Variants in WWOX observed in about 807,000 individuals in gnomAD.
WWOX encodes WW domain containing oxidoreductase, also known as WW domain-containing oxidoreductase.
A neutral mutation model predicts 46.2 loss-of-function variants in WWOX; 69 were observed. That is an observed-to-expected ratio of 1.49 (90% CI 1.23 to 1.82). The LOEUF (loss-of-function observed/expected upper bound fraction) is 1.82. WWOX is among the 40% of genes most tolerant of loss of function. The probability of loss-of-function intolerance (pLI) is 0.00; values close to 1 mark genes in which losing one functional copy is unlikely to be tolerated. For synonymous variants in WWOX, 359 were observed against 202.6 expected (o/e 1.77, Z -6.56); for missense variants, 919 against 542.6 (o/e 1.69, Z -6.89).
intron 5 of WWOX, among the ~76,000 whole-genome samples, chr16:78,333,307 C>T (rs916532978): frequency 3.0e-5 from 4 of 133,616 alleles, no homozygotes; most frequent in Non-Finnish European, 5.2e-5. Context: ...CCTTGGCCTG[C>T]CAAAGTGCTG....
At chr16:78,265,288 C>A (rs2079339306) in intron 5 of WWOX, among the ~76,000 whole-genome samples, 1 of 152,112 alleles carries the variant, frequency 6.6e-6, no homozygotes, top group Non-Finnish European at 1.5e-5. Flanking sequence ...AGCCACCTCA[C>A]CCAGCCAAGA....
At chr16:78,596,656 C>T (rs993981672) in intron 8 of WWOX, among the ~76,000 whole-genome samples, 3 of 152,124 alleles carry the variant, frequency 2.0e-5, no homozygotes, top group Non-Finnish European at 2.9e-5. Flanking sequence ...GGGGAGAACA[C>T]GGACTGTGTC....
At chr16:79,009,513 G>C (rs916868364) in intron 8 of WWOX, among the ~76,000 whole-genome samples, 1 of 152,030 alleles carries the variant, frequency 6.6e-6, no homozygotes, top group Non-Finnish European at 1.5e-5. Context: ...TGTCACCTAG[G>C]CTGGAGTGTA....
chr16:78,579,744 T>C (rs1260052558), intron 8 of WWOX, among the ~76,000 whole-genome samples: 2 of 152,126 alleles, frequency 1.3e-5, no homozygotes, highest in Non-Finnish European at 2.9e-5. Flanking sequence ...AAAACAAATA[T>C]CATCTGCCTT....
intron 8 of WWOX, among the ~76,000 whole-genome samples, chr16:78,766,105 T>C (rs1201026129): frequency 6.6e-6 from 1 of 151,998 alleles, no homozygotes; most frequent in East Asian, 1.9e-4. Flanking sequence ...TGGTCAGAGG[T>C]GTGGTCACAC....
chr16:78,500,880 A>G (rs1260663803), intron 8 of WWOX, among the ~76,000 whole-genome samples: 1 of 152,220 alleles, frequency 6.6e-6, no homozygotes, highest in East Asian at 1.9e-4. Context: ...TTCTGGCTCA[A>G]AGAAGTTCCA....
At chr16:78,794,948 T>A (rs1240502487) in intron 8 of WWOX, among the ~76,000 whole-genome samples, 1 of 152,238 alleles carries the variant, frequency 6.6e-6, no homozygotes, top group African/African-American at 2.4e-5. Flanking sequence ...CTATGGTTGA[T>A]AAATTAATGT....
At chr16:78,681,038 C>T (rs754415080) in intron 8 of WWOX, among the ~76,000 whole-genome samples, 1 of 152,124 alleles carries the variant, frequency 6.6e-6, no homozygotes, top group Non-Finnish European at 1.5e-5. Context: ...TGCCTGAGGT[C>T]GAGAGTTCGA....
chr16:78,550,241 T>C (rs2044142621), intron 8 of WWOX, among the ~76,000 whole-genome samples: 1 of 152,232 alleles, frequency 6.6e-6, no homozygotes, highest in Non-Finnish European at 1.5e-5. Context: ...CCCAATTATT[T>C]GAGAGACACT....
chr16:78,557,028 C>G (rs7203676), intron 8 of WWOX, among the ~76,000 whole-genome samples: 1 of 151,876 alleles, frequency 6.6e-6, no homozygotes, highest in Admixed American at 6.6e-5. Context: ...GGCAAACTTA[C>G]TTTAAAACAC....
At chr16:79,019,400 G>A (rs1013066713) in intron 8 of WWOX, among the ~76,000 whole-genome samples, 5 of 151,996 alleles carry the variant, frequency 3.3e-5, no homozygotes, top group East Asian at 3.9e-4. Flanking sequence ...ACGTGTGATT[G>A]GGCTGCGTAC....
At chr16:79,156,216 C>A (rs1018482462) in intron 8 of WWOX, among the ~76,000 whole-genome samples, 1 of 152,142 alleles carries the variant, frequency 6.6e-6, no homozygotes, top group Non-Finnish European at 1.5e-5. Flanking sequence ...GGCTGGAGTG[C>A]AGTGGTACAA....
At chr16:78,916,715 C>T (rs567278750) in intron 8 of WWOX, among the ~76,000 whole-genome samples, 2 of 152,300 alleles carry the variant, frequency 1.3e-5, no homozygotes, top group East Asian at 1.9e-4. Flanking sequence ...AAAAGTGATT[C>T]TTTCTAGGAT....
chr16:78,657,351 G>T (rs573229190), intron 8 of WWOX, among the ~76,000 whole-genome samples: 2 of 152,218 alleles, frequency 1.3e-5, no homozygotes, highest in East Asian at 3.9e-4. Flanking sequence ...GGACTTTCTT[G>T]CTTCCTCATA....
intron 8 of WWOX, among the ~76,000 whole-genome samples, chr16:78,548,513 A>T (rs1016043933): frequency 3.9e-5 from 6 of 152,214 alleles, no homozygotes; most frequent in African/African-American, 1.4e-4. Flanking sequence ...ATTGTTTTGC[A>T]AACATTTTAA....
chr16:78,316,433 C>G (rs75389161), intron 5 of WWOX, among the ~76,000 whole-genome samples: 2,820 of 152,158 alleles, frequency 0.019, 108 homozygotes, highest in African/African-American at 0.065. Context: ...CTCCGACCCC[C>G]CTGGGTTCAA....
chr16:78,575,008 T>TAA (rs2044819345), intron 8 of WWOX, among the ~76,000 whole-genome samples: 3 of 14,190 alleles, frequency 2.1e-4, no homozygotes, highest in Non-Finnish European at 3.3e-4. Context: ...ATTATATATA[T>TAA]ATATATATAT....
intron 8 of WWOX, among the ~76,000 whole-genome samples, chr16:78,457,906 A>G (rs1463083986): frequency 7.2e-6 from 1 of 139,768 alleles, no homozygotes; most frequent in Non-Finnish European, 1.5e-5. Context: ...TGAGACTCTG[A>G]CTCAAAAAAA....
chr16:78,591,046 C>T (rs181536755), intron 8 of WWOX, among the ~76,000 whole-genome samples: 137 of 152,240 alleles, frequency 9.0e-4, no homozygotes, highest in Non-Finnish European at 1.7e-3. Context: ...TGTTATCTGC[C>T]CTAGTCTGAA....
Sources: allele counts gnomAD v4.1 joint callset (sites outside exome capture counted in the v4.1 genomes callset), GRCh38; gene constraint gnomAD v4.1.1; transcripts MANE v1.5; gene names NCBI Gene and HGNC (gene_info 2026-07-23, HGNC 2026-07-21).